COPA: variants seen among roughly 807,000 people sequenced by gnomAD.
The protein encoded by COPA is coat protein complex I subunit alpha.
In COPA, 10 loss-of-function variants were observed where a neutral mutation model predicts 158.7. The ratio of observed to expected loss-of-function variants is 0.06; its 90% CI spans 0.04 to 0.11. The LOEUF (loss-of-function observed/expected upper bound fraction) is 0.11, where lower values mean the gene tolerates loss of function less well. Among genes scored for constraint, COPA ranks in the 10% least tolerant of loss-of-function variants. The pLI is 1.00. For missense variants in COPA, 1,065 were observed against 1,536.7 expected, an observed-to-expected ratio of 0.69 and a Z score of 5.13; for synonymous variants, 462 against 542.8, an observed-to-expected ratio of 0.85 and a Z score of 2.07.
chr1:160,292,713 T>G, intron 27 of COPA, 93 bp from the exon 28 acceptor site: 1 of 1,012,580 alleles, frequency 9.9e-7, no homozygotes, highest in Non-Finnish European at 1.5e-6. Context: ...TGTTCACGTT[T>G]CCTCATCAGT....
rs373788353 is a variant in COPA, at chr1:160,323,924, C to T, written c.607-394G>A. Among the ~76,000 whole-genome samples, 187 of 152,252 alleles carry T rather than the reference C, an allele frequency of 1.2e-3. 1 individual carries two copies. Among genetic ancestry groups the T allele is most frequent in the African/African-American group, 4.1e-3 (170 of 41,526 alleles). ...TCACCCAGGCTGGAGTGCAGTGGCA[C>T]GATCTCAGCTCACTGCAACCTCTGC... is the stretch of plus-strand genomic sequence containing the variant. On this transcript the variant is annotated intron_variant, in intron 7 of 32. Transcript: ENST00000241704.
Position 160,313,085 on chromosome 1 carries a change from C to T in COPA, c.925G>A (p.Gly309Ser). Residue 309 changes from glycine to serine, a missense_variant and splice_region_variant, in exon 10 of 33, where the codon GGC becomes AGC. Gly to Ser is a moderately conservative substitution (Grantham distance 56, BLOSUM62 0). This residue lies in a region of COPA where 980 missense variants were observed against 1,357.8 expected (regional missense o/e 0.72). Transcript: ENST00000241704. ...AHPNLNLFAA[G>S]HDGGMIVFKL... is the part of the protein sequence containing the mutation. ...AAAAAAGAGAGAAAATGGCCCTTAC[C>T]TGCTGCAAAGAGGTTAAGGTTAGGG... The T allele has an allele frequency of 6.2e-7, 1 of 1,613,318 alleles. No homozygotes were observed. The highest frequency in any genetic ancestry group is 8.5e-7 in the Non-Finnish European group (1 of 1,179,676).
At chr1:160,337,829 C>G (rs1647848373) in intron 3 of COPA, among the ~76,000 whole-genome samples, 1 of 151,580 alleles carries the variant, frequency 6.6e-6, no homozygotes, top group African/African-American at 2.4e-5. Flanking sequence ...GTTTTAATAA[C>G]AGCTTTATTG....
rs374261432 is a variant in COPA at position 160,298,827 on chromosome 1, T to C, written c.1977+18A>G. 6.2e-7 allele frequency: 1 copy of C among 1,613,830 alleles called. No individual in the cohort carries two copies. The highest frequency in any genetic ancestry group is 1.3e-5 in the African/African-American group (1 of 74,922). On this transcript the variant is annotated intron_variant, in intron 19 of 32. Transcript: ENST00000241704. The stretch of plus-strand genomic sequence containing the variant: ...CACCTCTAAGACAATATGGGGCTGA[T>C]GACCATATTCCTCTCACCTCAATGT...
At position 160,289,395 on chromosome 1, in the gene COPA, TAC is replaced by T. The variant is rs1658144648; in HGVS notation, c.*760_*761del. ...CAAATAACTTCTTCAAATTTCTGAG[TAC>T]ACAGAGGGTACCTGCCTTGAAATTT... On this transcript the variant is annotated 3_prime_UTR_variant, in exon 33 of 33. Coordinates refer to ENST00000241704, the MANE Select transcript of COPA (RefSeq NM_004371.4). The T allele has an allele frequency of 1.3e-5, 2 of 152,252 alleles. No individual in the cohort carries two copies. The highest frequency in any genetic ancestry group is 3.9e-4 in the East Asian group (2 of 5,190). The allele number at this position is 152,252 out of a possible 1,614,324, so 9.4% of individuals were successfully genotyped here.
In COPA at chr1:160,339,905, G is replaced by A; in HGVS notation, c.228+4C>T. 1 of 1,613,022 alleles carries A rather than the reference G, an allele frequency of 6.2e-7. No homozygotes were observed. The highest frequency in any genetic ancestry group is 8.5e-7 in the Non-Finnish European group (1 of 1,179,058). ...TATTCTCAGTTATGACAGACCCTCT[G>A]TACCTTAATCTTATAGTCATCTCCT... On this transcript the variant is annotated splice_donor_region_variant and intron_variant, in intron 3 of 32. Transcript: ENST00000241704.
chr1:160,290,358 T>C lies in COPA; in HGVS notation c.3615+134A>G, dbSNP rs1045780529. The C allele has an allele frequency of 5.2e-6, 7 of 1,353,450 alleles. No individual in the cohort carries two copies. The African/African-American group carries it at 7.2e-5, about 14-fold the overall frequency. 83.8% of individuals were successfully genotyped at this position (1,353,450 alleles called of 1,614,324 possible). On this transcript the variant is annotated intron_variant, in intron 32 of 32. Coordinates refer to ENST00000241704, the MANE Select transcript of COPA (RefSeq NM_004371.4). ...TGACTGGCCAAGAGCAGTGGGGAGA[T>C]GCTCTAGCTTTCTCCAGTGTCACTG...
intron 8 of COPA, among the ~76,000 whole-genome samples, chr1:160,322,536 A>T (rs112826049): frequency 6.6e-6 from 1 of 152,228 alleles, no homozygotes; most frequent in Admixed American, 6.5e-5. Flanking sequence ...ATGCTCATCA[A>T]TAATTATCAG....
In COPA at chr1:160,300,943, A is replaced by G. The variant is rs116664425; in HGVS notation, c.1668-1679T>C. ...AGACCAACCTGAACAACACGGCAAAACCTCATCTCTATTAAAAATTCAAAA... is the reference window on the plus strand; with the variant it reads ...AGACCAACCTGAACAACACGGCAAAGCCTCATCTCTATTAAAAATTCAAAA... On this transcript the variant is annotated intron_variant, in intron 17 of 32. Coordinates refer to ENST00000241704, the MANE Select transcript of COPA (RefSeq NM_004371.4). Among the ~76,000 whole-genome samples, 478 of 152,216 alleles carry G rather than the reference A, an allele frequency of 3.1e-3. 2 individuals are homozygous for G. Among genetic ancestry groups the G allele is most frequent in the Non-Finnish European group, 5.3e-3 (358 of 68,018 alleles).
intron 9 of COPA, 110 bp downstream of exon 9, chr1:160,313,880 A>G (rs772557717): frequency 4.7e-6 from 5 of 1,053,238 alleles, no homozygotes; most frequent in Non-Finnish European, 6.4e-6. Context: ...ATAATATATG[A>G]TTTGATTTGT....
chr1:160,343,031 G>A, intron 1 of COPA, 100 bp downstream of exon 1: 1 of 1,419,602 alleles, frequency 7.0e-7, no homozygotes, highest in Non-Finnish European at 1.0e-6. Context: ...TCCGTCTGGT[G>A]GGCCCATTTC....
chr1:160,297,821 G>C (rs1016835182), intron 19 of COPA, 76 bp from the exon 20 acceptor site: 2 of 1,424,810 alleles, frequency 1.4e-6, no homozygotes, highest in African/African-American at 1.4e-5. Context: ...CAAAGCATCT[G>C]CATCTATATA....
In COPA at chr1:160,290,495, G is replaced by A. The variant is rs749891337; in HGVS notation, c.3612C>T (p.Thr1204=). The part of the protein sequence containing the change: ...PEFKGQICRV[T]TVTEIGKDVI... ...ATTTATTGAGGACAGTACTTACTGT[G>A]GTGACCCTGCAGATTTGACCTTTGA... Residue 1204 remains threonine, a synonymous_variant, in exon 32 of 33, where the codon ACC becomes ACT. Coordinates refer to ENST00000241704, the MANE Select transcript of COPA (RefSeq NM_004371.4). 6.2e-7 allele frequency: 1 copy of A among 1,614,042 alleles called. No homozygotes were observed. The highest frequency in any genetic ancestry group is 8.5e-7 in the Non-Finnish European group (1 of 1,179,924).
rs113115566 is a variant in COPA at position 160,295,607 on chromosome 1, G to A, written c.2476+129C>T. 1,790 of 960,090 alleles carry A rather than the reference G, an allele frequency of 1.9e-3. 31 individuals are homozygous for A. The African/African-American group carries it at 0.027, about 14-fold the overall frequency. 59.5% of individuals were successfully genotyped at this position (960,090 alleles called of 1,614,324 possible). A position where few individuals can be genotyped will look rare whatever the true frequency, so the allele number is the denominator to read the frequency against. On this transcript the variant is annotated intron_variant, in intron 23 of 32. Coordinates refer to ENST00000241704, the MANE Select transcript of COPA (RefSeq NM_004371.4). ...TTTAAGACTGCACCATAAATGACTG[G>A]CATTTCAATATTCCATTAGGCTCCA...
At position 160,297,670 on chromosome 1, in the gene COPA, C is replaced by T. The variant is rs112109460; in HGVS notation, c.2053G>A (p.Gly685Arg). ...EKLGEVALLQGNHQIVEMCYQ... is the reference protein window; with the variant it reads ...EKLGEVALLQRNHQIVEMCYQ... Reference sequence around the variant, plus strand: ...CACATTTCCACAATCTGGTGGTTCCCCTGCAGCAGGGCCACTTCTCCCAGC... The same window carrying T: ...CACATTTCCACAATCTGGTGGTTCCTCTGCAGCAGGGCCACTTCTCCCAGC... Residue 685 changes from glycine to arginine, a missense_variant, in exon 20 of 33, where the codon GGG (glycine) becomes AGG (arginine). By Grantham distance (125) the Gly-to-Arg change is moderately radical (BLOSUM62 -2). Transcript: ENST00000241704. 1 of 1,614,090 alleles carries T rather than the reference C, an allele frequency of 6.2e-7. No homozygotes were observed. Among genetic ancestry groups the T allele is most frequent in the Non-Finnish European group, 8.5e-7 (1 of 1,180,016 alleles).
Position 160,290,082 on chromosome 1 carries a change from G to A in COPA, c.*75C>T. ...TGAAGAGTAGCTGCAGGGGGAAGGT[G>A]CTGTTAGAAGGAGGATATAGACACA... is the stretch of plus-strand genomic sequence containing the variant. On this transcript the variant is annotated 3_prime_UTR_variant, in exon 33 of 33. Coordinates refer to ENST00000241704, the MANE Select transcript of COPA (RefSeq NM_004371.4). 1 of 1,312,302 alleles carries A rather than the reference G, an allele frequency of 7.6e-7. No individual in the cohort carries two copies. The highest frequency in any genetic ancestry group is 1.1e-6 in the Non-Finnish European group (1 of 911,038). The allele number at this position is 1,312,302 out of a possible 1,614,324, so 81.3% of individuals were successfully genotyped here.
rs1168801885 is a variant in COPA at position 160,343,211 on chromosome 1, ACACACCCTGCTGCCCTT to A, written c.-58_-42del. 1 of 1,613,684 alleles carries A rather than the reference ACACACCCTGCTGCCCTT, an allele frequency of 6.2e-7. No homozygotes were observed. Among genetic ancestry groups the A allele is most frequent in the Non-Finnish European group, 8.5e-7 (1 of 1,179,698 alleles). Reference sequence around the variant, plus strand: ...CTCCGATGTCTTAATCCGAGCCCCGACACACCCTGCTGCCCTTCGGACGCCTCCACGTCAGCGACCCT... The same window carrying A: ...CTCCGATGTCTTAATCCGAGCCCCGACGGACGCCTCCACGTCAGCGACCCT... On this transcript the variant is annotated 5_prime_UTR_variant, in exon 1 of 33. Coordinates refer to ENST00000241704, the MANE Select transcript of COPA (RefSeq NM_004371.4).
intron 17 of COPA, among the ~76,000 whole-genome samples, chr1:160,300,274 A>C (rs1362460744): frequency 6.6e-6 from 1 of 151,754 alleles, no homozygotes; most frequent in East Asian, 1.9e-4. Context: ...CGAGAGACGG[A>C]GGTTGCCGTG....
At chr1:160,330,177 A>T (rs2101868608) in intron 6 of COPA, among the ~76,000 whole-genome samples, 1 of 152,198 alleles carries the variant, frequency 6.6e-6, no homozygotes, top group African/African-American at 2.4e-5. Flanking sequence ...TTGGGATCCA[A>T]GCCCATCAGG....
Sources: allele counts gnomAD v4.1 joint callset (sites outside exome capture counted in the v4.1 genomes callset), GRCh38; gene constraint gnomAD v4.1.1; regional missense constraint gnomAD v4.1.1; transcripts MANE v1.5; gene names NCBI Gene and HGNC (gene_info 2026-07-23, HGNC 2026-07-21).